Variants in SLIT3 observed in about 807,000 individuals in gnomAD.
The protein encoded by SLIT3 is slit guidance ligand 3.
In SLIT3, 68 loss-of-function variants were observed where a neutral mutation model predicts 184.0. That is an observed-to-expected ratio of 0.37 (90% CI 0.30 to 0.45). SLIT3 has a LOEUF of 0.45. Ranked by LOEUF, SLIT3 falls within the 20% of genes least tolerant of loss-of-function variation. The pLI, the probability that SLIT3 is intolerant of heterozygous loss-of-function variation, is 1.00. For synonymous variants in SLIT3, 831 were observed against 828.6 expected (o/e 1.00, Z -0.05); for missense variants, 1,707 against 2,026.0 (o/e 0.84, Z 3.02).
intron 18 of SLIT3, chr5:168,752,443 G>A (rs1754751530): frequency 7.3e-6 from 1 of 137,746 alleles, no homozygotes; most frequent in South Asian, 2.3e-4. Flanking sequence ...CGCCTAGGCT[G>A]GAATGCAGTG....
intron 4 of SLIT3, among the ~76,000 whole-genome samples, chr5:169,123,452 G>C (rs1007285002): frequency 1.3e-5 from 2 of 152,022 alleles, no homozygotes; most frequent in Non-Finnish European, 2.9e-5. Context: ...AATTCAACTT[G>C]TTTGTGCTCT....
intron 4 of SLIT3, among the ~76,000 whole-genome samples, chr5:168,958,683 G>A (rs1762911962): frequency 6.6e-6 from 1 of 152,210 alleles, no homozygotes; most frequent in African/African-American, 2.4e-5. Flanking sequence ...AGATTGGGAA[G>A]ACTTTTCCCC....
intron 4 of SLIT3, among the ~76,000 whole-genome samples, chr5:169,142,847 C>T (rs1035009342): frequency 3.9e-5 from 6 of 152,208 alleles, no homozygotes; most frequent in African/African-American, 1.2e-4. Context: ...GCATGTACTC[C>T]AAGCTGAGTC....
intron 11 of SLIT3, among the ~76,000 whole-genome samples, chr5:168,789,346 G>A (rs772972720): frequency 2.0e-5 from 3 of 152,108 alleles, no homozygotes; most frequent in Admixed American, 6.5e-5. Context: ...GCTGCCAGGC[G>A]CTTAATCAAT....
chr5:169,164,298 C>T (rs1013075569), intron 4 of SLIT3, among the ~76,000 whole-genome samples: 10 of 152,154 alleles, frequency 6.6e-5, no homozygotes, highest in East Asian at 3.9e-4. Context: ...TCAATTCCCT[C>T]GGAGAAAGCT....
intron 8 of SLIT3, among the ~76,000 whole-genome samples, chr5:168,809,732 C>T (rs1290101016): frequency 6.6e-6 from 1 of 152,224 alleles, no homozygotes; most frequent in East Asian, 1.9e-4. Flanking sequence ...ATAAGCATAC[C>T]TTGGCTAAAT....
At chr5:169,082,327 C>T (rs2113165295) in intron 4 of SLIT3, among the ~76,000 whole-genome samples, 1 of 152,324 alleles carries the variant, frequency 6.6e-6, no homozygotes, top group East Asian at 1.9e-4. Flanking sequence ...TGTTTTTTAA[C>T]CTACAGAGTT....
chr5:169,250,302 A>G (rs72837969), intron 2 of SLIT3, among the ~76,000 whole-genome samples: 20,267 of 152,204 alleles, frequency 0.13, 1,516 homozygotes, highest in Non-Finnish European at 0.14. Context: ...AATGGCAAAC[A>G]ATGTTGTAAA....
chr5:169,113,026 C>T (rs1472017133), intron 4 of SLIT3, among the ~76,000 whole-genome samples: 1 of 152,150 alleles, frequency 6.6e-6, no homozygotes, highest in African/African-American at 2.4e-5. Flanking sequence ...CTTCCTGAAA[C>T]CCTCTTTTAA....
chr5:168,961,855 C>T (rs534345295), intron 4 of SLIT3, among the ~76,000 whole-genome samples: 1,950 of 124,854 alleles, frequency 0.016, 53 homozygotes, highest in African/African-American at 0.065. Context: ...CATGCATGCA[C>T]GCATGTGTGT....
intron 20 of SLIT3, among the ~76,000 whole-genome samples, chr5:168,735,070 C>T (rs1207588466): frequency 6.6e-6 from 1 of 152,202 alleles, no homozygotes; most frequent in Non-Finnish European, 1.5e-5. Flanking sequence ...ACAGTCCAGG[C>T]TCCCAGAGGG....
chr5:168,671,687 G>A (rs952276442), intron 33 of SLIT3, among the ~76,000 whole-genome samples: 3 of 152,190 alleles, frequency 2.0e-5, no homozygotes, highest in African/African-American at 4.8e-5. Flanking sequence ...TTAAAAAAAC[G>A]TGAATTTGTT....
intron 8 of SLIT3, among the ~76,000 whole-genome samples, chr5:168,815,323 C>G (rs1207055204): frequency 6.6e-6 from 1 of 152,154 alleles, no homozygotes. Context: ...TGAGCAATGT[C>G]TTGCTGCACC....
intron 1 of SLIT3, among the ~76,000 whole-genome samples, chr5:169,283,342 G>A (rs1266873715): frequency 6.6e-6 from 1 of 152,182 alleles, no homozygotes; most frequent in African/African-American, 2.4e-5. Context: ...AGGGAAGCAG[G>A]CATAGTCTGG....
At position 168,697,055 on chromosome 5, in the gene SLIT3, T is replaced by C. The variant is rs568633551; in HGVS notation, c.2943-624A>G. ...CAAGCAAAATGTTTAAAAGGGTACA[T>C]AGCACATAGAAAATGCTCAGAACCC... On this transcript the variant is annotated intron_variant, in intron 27 of 35. Transcript: ENST00000519560. Among the ~76,000 whole-genome samples the C allele has an allele frequency of 7.5e-4, 114 of 152,292 alleles. 2 individuals are homozygous for C. In the South Asian group the frequency reaches 0.021, roughly 29 times the overall value.
intron 4 of SLIT3, among the ~76,000 whole-genome samples, chr5:168,937,276 G>T (rs960569661): frequency 6.6e-6 from 1 of 152,080 alleles, no homozygotes. Flanking sequence ...TTTCATTATC[G>T]TTTCTACCCT....
chr5:169,062,394 C>T (rs562029098), intron 4 of SLIT3, among the ~76,000 whole-genome samples: 23 of 152,246 alleles, frequency 1.5e-4, no homozygotes, highest in African/African-American at 3.1e-4. Flanking sequence ...GACCTGGTAA[C>T]GACTTAATCC....
intron 23 of SLIT3, chr5:168,720,000 GC>G (rs1186065174): frequency 2.6e-5 from 4 of 151,904 alleles, no homozygotes; most frequent in African/African-American, 9.7e-5. Flanking sequence ...TGCAACCTCT[GC>G]CTCCCAGGCT....
intron 4 of SLIT3, among the ~76,000 whole-genome samples, chr5:169,126,766 G>A (rs1301273525): frequency 1.1e-4 from 16 of 152,228 alleles, no homozygotes; most frequent in Admixed American, 1.0e-3. Flanking sequence ...GCCCTGCTGA[G>A]TCAGAGCCCA....
Sources: allele counts gnomAD v4.1 joint callset (sites outside exome capture counted in the v4.1 genomes callset), GRCh38; gene constraint gnomAD v4.1.1; transcripts MANE v1.5; gene names NCBI Gene and HGNC (gene_info 2026-07-23, HGNC 2026-07-21).